Variants in TP63 observed in about 807,000 individuals in gnomAD.
The protein encoded by TP63 is tumor protein p63, also known as tumor protein 63.
In TP63, 17 loss-of-function variants were observed where a neutral mutation model predicts 82.8. The ratio of observed to expected loss-of-function variants is 0.21; its 90% CI spans 0.14 to 0.31. The LOEUF is 0.31. Among genes scored for constraint, TP63 ranks in the 10% least tolerant of loss-of-function variants. The pLI is 1.00. For missense variants in TP63, 648 were observed against 895.3 expected, an observed-to-expected ratio of 0.72 and a Z score of 3.52; for synonymous variants, 330 against 321.7, an observed-to-expected ratio of 1.03 and a Z score of -0.28.
chr3:189,690,718 G>C (rs1373941439), intron 1 of TP63, among the ~76,000 whole-genome samples: 2 of 152,162 alleles, frequency 1.3e-5, no homozygotes, highest in East Asian at 3.9e-4. Flanking sequence ...TAGCTGTTTT[G>C]TTCCTCATTC....
chr3:189,641,329 C>G (rs1434065808), intron 1 of TP63, among the ~76,000 whole-genome samples: 1 of 152,122 alleles, frequency 6.6e-6, no homozygotes, highest in East Asian at 1.9e-4. Flanking sequence ...CTTCGAAGCT[C>G]AGGTAGAAAT....
chr3:189,741,045 G>A (rs1031857558), intron 3 of TP63, among the ~76,000 whole-genome samples: 12 of 152,152 alleles, frequency 7.9e-5, no homozygotes, highest in Admixed American at 3.3e-4. Context: ...TAGGAGATTC[G>A]GAGAGAGCTA....
At chr3:189,741,259 C>T (rs1720966463) in intron 3 of TP63, among the ~76,000 whole-genome samples, 1 of 151,268 alleles carries the variant, frequency 6.6e-6, no homozygotes, top group Non-Finnish European at 1.5e-5. Flanking sequence ...TGGGGCTTCT[C>T]TTGCCTTATG....
chr3:189,621,369 G>A, the TP63 span, among the ~76,000 whole-genome samples: 1 of 151,840 alleles, frequency 6.6e-6, no homozygotes, highest in Non-Finnish European at 1.5e-5. Context: ...CCTTGATTAT[G>A]TAGAAGACAT....
rs1181462493 is a variant in TP63, at chr3:189,775,465, C to G, written c.325-32807C>G. Among the ~76,000 whole-genome samples, 13 of 152,126 alleles carry G rather than the reference C, an allele frequency of 8.5e-5. No homozygotes were observed. In the East Asian group the frequency reaches 2.5e-3, roughly 29 times the overall value. Reference sequence around the variant, plus strand: ...TGAAAACCACCTTCCACACAGCTACCTAGATCGTAATATGCCATGTTTTCT... The same window carrying G: ...TGAAAACCACCTTCCACACAGCTACGTAGATCGTAATATGCCATGTTTTCT... On this transcript the variant is annotated intron_variant, in intron 3 of 13. Transcript: ENST00000264731.
Position 189,886,261 on chromosome 3 carries a change from A to G in TP63, c.1350-133A>G, listed in dbSNP as rs570437079. ...CAGATGGAAACAAAATTAACTTCTT[A>G]CCATTAATCCTAGAAGAATGTTTTC... On this transcript the variant is annotated intron_variant, in intron 10 of 13. Coordinates refer to ENST00000264731, the MANE Select transcript of TP63 (RefSeq NM_003722.5). The G allele has an allele frequency of 5.0e-5, 51 of 1,028,640 alleles. No homozygotes were observed. In the African/African-American group the frequency reaches 6.6e-4, roughly 13 times the overall value. 63.7% of individuals were successfully genotyped at this position (1,028,640 alleles called of 1,614,324 possible). A position where few individuals can be genotyped will look rare whatever the true frequency, so the allele number is the denominator to read the frequency against.
At chr3:189,764,056 C>G (rs992882915) in intron 3 of TP63, among the ~76,000 whole-genome samples, 10 of 152,088 alleles carry the variant, frequency 6.6e-5, no homozygotes, top group Non-Finnish European at 1.5e-4. Flanking sequence ...ATGTGCAGGT[C>G]CCTGTGCATG....
chr3:189,751,002 A>G (rs1328209300), intron 3 of TP63, among the ~76,000 whole-genome samples: 1 of 151,866 alleles, frequency 6.6e-6, no homozygotes, highest in Non-Finnish European at 1.5e-5. Flanking sequence ...CTGATGTGTG[A>G]TGTTCCCTGC....
chr3:189,724,659 A>G (rs10937409), intron 1 of TP63, among the ~76,000 whole-genome samples: 148,437 of 152,342 alleles, frequency 0.97, 72,409 homozygotes, highest in Middle Eastern at 0.99. Context: ...AGCTGGGGCA[A>G]TAACTAACAG....
intron 1 of TP63, among the ~76,000 whole-genome samples, chr3:189,656,244 T>G (rs1365598952): frequency 1.3e-5 from 2 of 152,298 alleles, no homozygotes; most frequent in East Asian, 3.9e-4. Context: ...AGTTCTCTAT[T>G]ATAAGAGAAC....
chr3:189,815,556 A>G (rs1197737960), intron 4 of TP63, among the ~76,000 whole-genome samples: 7 of 152,282 alleles, frequency 4.6e-5, no homozygotes, highest in Admixed American at 3.3e-4. Flanking sequence ...AATTTTTAAA[A>G]GAGTAACTAG....
At chr3:189,701,144 G>A (rs541968216) in intron 1 of TP63, among the ~76,000 whole-genome samples, 1 of 152,212 alleles carries the variant, frequency 6.6e-6, no homozygotes, top group Admixed American at 6.5e-5. Flanking sequence ...ACATGGAGCT[G>A]TGAGTCCATT....
intron 3 of TP63, among the ~76,000 whole-genome samples, chr3:189,804,358 C>G (rs1437121635): frequency 6.6e-6 from 1 of 152,194 alleles, no homozygotes; most frequent in African/African-American, 2.4e-5. Context: ...GGCATAAAAA[C>G]TGCAATTGGT....
chr3:189,845,449 A>G (rs1560250259), intron 4 of TP63, among the ~76,000 whole-genome samples: 1 of 152,148 alleles, frequency 6.6e-6, no homozygotes, highest in Non-Finnish European at 1.5e-5. Flanking sequence ...GTTTTGTTAT[A>G]TGTGTTTTGC....
chr3:189,738,615 C>G (rs1720764414), intron 2 of TP63, 27 bp from the exon 3 acceptor site: 1 of 1,613,942 alleles, frequency 6.2e-7, no homozygotes. Context: ...CCATGCCTAA[C>G]TCACTTTTTT....
At chr3:189,697,792 TTC>T (rs1284656526) in intron 1 of TP63, among the ~76,000 whole-genome samples, 5 of 152,084 alleles carry the variant, frequency 3.3e-5, no homozygotes, top group African/African-American at 1.2e-4. Context: ...AGCCAAATAT[TTC>T]TCTTTTTTCA....
At chr3:189,847,628 C>T (rs1340708063) in intron 4 of TP63, among the ~76,000 whole-genome samples, 1 of 152,196 alleles carries the variant, frequency 6.6e-6, no homozygotes, top group African/African-American at 2.4e-5. Context: ...ATGCAAAGAG[C>T]CACAGTTGCA....
intron 1 of TP63, among the ~76,000 whole-genome samples, chr3:189,631,778 G>C (rs1729475282): frequency 6.6e-6 from 1 of 152,052 alleles, no homozygotes; most frequent in Admixed American, 6.6e-5. Context: ...GATCTACAAA[G>C]TGAAAAAATT....
intron 3 of TP63, among the ~76,000 whole-genome samples, chr3:189,772,006 A>G (rs1723415807): frequency 1.3e-5 from 2 of 152,178 alleles, no homozygotes; most frequent in Non-Finnish European, 2.9e-5. Context: ...ACTAATTGTA[A>G]GGGTTTGGAA....
Sources: gnomAD v4.1 joint callset for allele counts (sites outside exome capture counted in the v4.1 genomes callset) on GRCh38, gnomAD v4.1.1 for gene constraint, MANE v1.5 for transcripts, NCBI Gene and HGNC (gene_info 2026-07-23, HGNC 2026-07-21) for gene names.